The following INPP4B variants were observed in gnomAD, a reference collection of about 807,000 sequenced individuals.
The protein encoded by INPP4B is inositol polyphosphate 4-phosphatase type II.
A neutral mutation model predicts 122.5 loss-of-function variants in INPP4B; 55 were observed. The ratio of observed to expected loss-of-function variants is 0.45; its 90% CI spans 0.36 to 0.56. INPP4B has a LOEUF of 0.56. Ranked by LOEUF, INPP4B falls within the 20% of genes least tolerant of loss-of-function variation. INPP4B has a pLI of 0.00. For synonymous variants in INPP4B, 403 were observed against 388.7 expected, an observed-to-expected ratio of 1.04 and a Z score of -0.43; for missense variants, 1,000 against 1,097.7, an observed-to-expected ratio of 0.91 and a Z score of 1.26.
chr4:142,106,984 C>T (rs749298997), intron 23 of INPP4B, among the ~76,000 whole-genome samples: 4 of 151,172 alleles, frequency 2.6e-5, no homozygotes, highest in Non-Finnish European at 4.4e-5. Flanking sequence ...TCATTAATTG[C>T]TAAAGAAAAA....
chr4:142,472,474 T>C (rs1819025411), intron 2 of INPP4B, among the ~76,000 whole-genome samples: 2 of 152,204 alleles, frequency 1.3e-5, no homozygotes, highest in Admixed American at 1.3e-4. Flanking sequence ...CTCTTGATTA[T>C]ATGACTGTTA....
At chr4:142,446,458 C>T (rs897599401) in intron 3 of INPP4B, among the ~76,000 whole-genome samples, 2 of 152,050 alleles carry the variant, frequency 1.3e-5, no homozygotes, top group African/African-American at 4.8e-5. Flanking sequence ...CTACTCCAAA[C>T]ACAATGAAAA....
chr4:142,482,157 T>C (rs888992309), intron 2 of INPP4B, among the ~76,000 whole-genome samples: 1 of 152,214 alleles, frequency 6.6e-6, no homozygotes, highest in East Asian at 1.9e-4. Context: ...TTCCATTCCT[T>C]AGGAATTTTA....
chr4:142,124,908 T>C, intron 18 of INPP4B, 148 bp from the exon 19 acceptor site: 3 of 643,642 alleles, frequency 4.7e-6, no homozygotes, highest in Non-Finnish European at 7.3e-6. Flanking sequence ...AGATCTCTAA[T>C]TTAAATCTCT....
intron 25 of INPP4B, among the ~76,000 whole-genome samples, chr4:142,036,107 C>T (rs1009513718): frequency 6.6e-5 from 10 of 151,934 alleles, no homozygotes; most frequent in South Asian, 2.1e-4. Context: ...TGTTTATGTC[C>T]GTGGGTGCTA....
chr4:142,284,379 C>G (rs1752568564), intron 9 of INPP4B, among the ~76,000 whole-genome samples: 1 of 152,074 alleles, frequency 6.6e-6, no homozygotes, highest in Admixed American at 6.6e-5. Context: ...ATCTAAAACA[C>G]TAGACAGAAG....
intron 2 of INPP4B, among the ~76,000 whole-genome samples, chr4:142,468,844 T>A (rs969153624): frequency 6.6e-6 from 1 of 152,196 alleles, no homozygotes; most frequent in African/African-American, 2.4e-5. Context: ...TGTTCTTTTA[T>A]AGCAATATAA....
intron 1 of INPP4B, among the ~76,000 whole-genome samples, chr4:142,730,331 A>G (rs1205691612): frequency 6.6e-6 from 1 of 152,218 alleles, no homozygotes; most frequent in Admixed American, 6.5e-5. Flanking sequence ...TAAGAAACTC[A>G]TGGGGGAAAC....
intron 2 of INPP4B, among the ~76,000 whole-genome samples, chr4:142,721,096 C>T (rs1376255308): frequency 6.6e-6 from 1 of 151,524 alleles, no homozygotes; most frequent in Non-Finnish European, 1.5e-5. Flanking sequence ...CTTAGTGCTG[C>T]AAAACCAGAA....
At chr4:142,402,533 C>T (rs533120908) in intron 7 of INPP4B, among the ~76,000 whole-genome samples, 20 of 152,314 alleles carry the variant, frequency 1.3e-4, no homozygotes, top group African/African-American at 4.6e-4. Flanking sequence ...GTCAGTTTCT[C>T]TCTATACGGT....
chr4:142,823,763 C>A (rs1781085728), intron 1 of INPP4B, among the ~76,000 whole-genome samples: 1 of 152,122 alleles, frequency 6.6e-6, no homozygotes, highest in Non-Finnish European at 1.5e-5. Flanking sequence ...CTCTTGGAGG[C>A]TCCAATGAGA....
At chr4:142,568,291 G>A (rs1177892017) in intron 2 of INPP4B, among the ~76,000 whole-genome samples, 1 of 151,030 alleles carries the variant, frequency 6.6e-6, no homozygotes, top group East Asian at 2.0e-4. Flanking sequence ...GCCTTACTTT[G>A]TAAGACCTGA....
intron 12 of INPP4B, among the ~76,000 whole-genome samples, chr4:142,221,169 G>T (rs1260381230): frequency 2.6e-5 from 4 of 151,994 alleles, no homozygotes; most frequent in African/African-American, 9.7e-5. Context: ...GGAGGCCGAG[G>T]CGAGTGGATC....
chr4:142,091,724 CAAG>C (rs1490022218), intron 23 of INPP4B, among the ~76,000 whole-genome samples: 4 of 152,172 alleles, frequency 2.6e-5, no homozygotes, highest in African/African-American at 9.7e-5. Context: ...GTTTCTTCAA[CAAG>C]AAGAGCTCTG....
intron 2 of INPP4B, among the ~76,000 whole-genome samples, chr4:142,707,884 G>T (rs1437288274): frequency 6.6e-6 from 1 of 152,210 alleles, no homozygotes; most frequent in Non-Finnish European, 1.5e-5. Context: ...CTCAGAAGAA[G>T]AAAGATAAAG....
intron 15 of INPP4B, among the ~76,000 whole-genome samples, chr4:142,175,678 T>C (rs994861242): frequency 2.6e-5 from 4 of 152,102 alleles, no homozygotes; most frequent in Admixed American, 2.6e-4. Flanking sequence ...CAATTCTCTA[T>C]GTCTCTTTCT....
intron 9 of INPP4B, among the ~76,000 whole-genome samples, chr4:142,286,152 G>T (rs1157429283): frequency 6.6e-6 from 1 of 152,160 alleles, no homozygotes; most frequent in African/African-American, 2.4e-5. Context: ...TTTAATTCAT[G>T]TTAAATAGAT....
chr4:142,089,492 G>A (rs1224553743), intron 23 of INPP4B, among the ~76,000 whole-genome samples: 1 of 150,600 alleles, frequency 6.6e-6, no homozygotes, highest in Non-Finnish European at 1.5e-5. Context: ...GAGAGAGAGA[G>A]AGAGAAAGTG....
intron 9 of INPP4B, among the ~76,000 whole-genome samples, chr4:142,294,882 G>A (rs1334130801): frequency 7.4e-6 from 1 of 134,396 alleles, no homozygotes; most frequent in Non-Finnish European, 1.6e-5. Context: ...GGCTGTGGAT[G>A]AAGCACCTTG....
Sources: allele counts gnomAD v4.1 joint callset (sites outside exome capture counted in the v4.1 genomes callset), GRCh38; gene constraint gnomAD v4.1.1; transcripts MANE v1.5; gene names NCBI Gene and HGNC (gene_info 2026-07-23, HGNC 2026-07-21).